The following ZBTB20 variants were observed in gnomAD, a reference collection of about 807,000 sequenced individuals.
The protein encoded by ZBTB20 is zinc finger and BTB domain containing 20.
ZBTB20 carries 9 observed loss-of-function variants against 56.9 expected under a neutral mutation model. The ratio of observed to expected loss-of-function variants is 0.16; its 90% CI spans 0.10 to 0.28. ZBTB20 has a LOEUF of 0.28. Among genes scored for constraint, ZBTB20 ranks in the 10% least tolerant of loss-of-function variants. The probability of loss-of-function intolerance (pLI) is 1.00; values close to 1 mark genes in which losing one functional copy is unlikely to be tolerated. For synonymous variants in ZBTB20, 417 were observed against 420.7 expected, an observed-to-expected ratio of 0.99 and a Z score of 0.11; for missense variants, 655 against 1,003.0, an observed-to-expected ratio of 0.65 and a Z score of 4.69.
intron 2 of ZBTB20, chr3:115,027,481 C>G (rs2080473023): frequency 6.6e-6 from 1 of 150,898 alleles, no homozygotes; most frequent in Non-Finnish European, 1.5e-5. Context: ...TTCCAAATTT[C>G]TCTTCAGGTA....
intron 3 of ZBTB20, among the ~76,000 whole-genome samples, chr3:114,927,111 C>T (rs1194479761): frequency 1.3e-5 from 2 of 152,182 alleles, no homozygotes; most frequent in African/African-American, 4.8e-5. Flanking sequence ...ACCTGCTTCC[C>T]ATTCTATTCA....
intron 6 of ZBTB20, among the ~76,000 whole-genome samples, chr3:114,571,166 G>T (rs1384954883): frequency 6.6e-6 from 1 of 152,174 alleles, no homozygotes; most frequent in African/African-American, 2.4e-5. Flanking sequence ...GGAGAACAAA[G>T]TATTAGAAGC....
chr3:115,135,092 G>A (rs1037989831), intron 1 of ZBTB20, among the ~76,000 whole-genome samples: 1 of 152,176 alleles, frequency 6.6e-6, no homozygotes, highest in African/African-American at 2.4e-5. Context: ...TCGTCCCAAT[G>A]TCTATTGCTT....
At chr3:114,625,008 A>G (rs2107792251) in intron 6 of ZBTB20, 1 of 152,814 alleles carries the variant, frequency 6.5e-6, no homozygotes, top group East Asian at 1.9e-4. Flanking sequence ...AAGCGACTGC[A>G]CAGCTTGGCA....
chr3:115,060,219 T>C (rs1439845614), intron 2 of ZBTB20, among the ~76,000 whole-genome samples: 1 of 152,160 alleles, frequency 6.6e-6, no homozygotes, highest in Non-Finnish European at 1.5e-5. Flanking sequence ...ACCCAACTAG[T>C]TTATAAAGCA....
intron 6 of ZBTB20, among the ~76,000 whole-genome samples, chr3:114,579,821 T>TA (rs2054463954): frequency 6.6e-6 from 1 of 151,346 alleles, no homozygotes. Context: ...GAACTGTATT[T>TA]AAAAAAAATA....
At chr3:114,894,198 T>A (rs1293568284) in intron 4 of ZBTB20, among the ~76,000 whole-genome samples, 1 of 152,220 alleles carries the variant, frequency 6.6e-6, no homozygotes, top group Non-Finnish European at 1.5e-5. Flanking sequence ...AAATTGCTTA[T>A]CCTCTCTGAC....
At chr3:114,540,736 T>C (rs943683648) in intron 6 of ZBTB20, among the ~76,000 whole-genome samples, 2 of 152,162 alleles carry the variant, frequency 1.3e-5, no homozygotes, top group African/African-American at 4.8e-5. Context: ...ATCTTCAATA[T>C]AGTTAGTGCC....
At chr3:115,062,498 A>G (rs1389907678) in intron 2 of ZBTB20, among the ~76,000 whole-genome samples, 6 of 152,094 alleles carry the variant, frequency 3.9e-5, no homozygotes, top group Admixed American at 3.3e-4. Flanking sequence ...TATGTCTAAA[A>G]ATTCTCTCAA....
At chr3:115,032,512 T>C (rs2080728709) in intron 2 of ZBTB20, among the ~76,000 whole-genome samples, 1 of 151,372 alleles carries the variant, frequency 6.6e-6, no homozygotes, top group Non-Finnish European at 1.5e-5. Flanking sequence ...CATTTGTTAC[T>C]TAGTAATACA....
chr3:114,347,613 TTTCCACATG>T (rs2080303979), intron 11 of ZBTB20, among the ~76,000 whole-genome samples: 1 of 152,242 alleles, frequency 6.6e-6, no homozygotes, highest in East Asian at 1.9e-4. Flanking sequence ...TCTTGAATTA[TTTCCACATG>T]TTCCGGCTGT....
chr3:115,106,004 G>T (rs1461833560), intron 1 of ZBTB20, among the ~76,000 whole-genome samples: 1 of 151,832 alleles, frequency 6.6e-6, no homozygotes, highest in Non-Finnish European at 1.5e-5. Context: ...TTTTAGTAGA[G>T]ACAGGATTTC....
At chr3:114,619,511 T>A (rs1577996406) in intron 6 of ZBTB20, among the ~76,000 whole-genome samples, 1 of 152,032 alleles carries the variant, frequency 6.6e-6, no homozygotes, top group East Asian at 1.9e-4. Flanking sequence ...TTTTTTTAAA[T>A]TGTTTATTAG....
chr3:114,943,528 G>A lies in ZBTB20; in HGVS notation c.-456+30838C>T, dbSNP rs2076788908. ...AAAGAGTGAGAATAATCAGAGAACT[G>A]GGATTTATATTAAAAACCCAAAGAT... is the stretch of plus-strand genomic sequence containing the variant. On this transcript the variant is annotated intron_variant, in intron 3 of 11. Transcript: ENST00000675478. Among the ~76,000 whole-genome samples, 3 of 144,894 alleles carry A rather than the reference G, an allele frequency of 2.1e-5. 1 individual carries two copies. The highest frequency in any genetic ancestry group is 8.5e-5 in the African/African-American group (3 of 35,366).
At chr3:114,561,012 A>C (rs2051962703) in intron 6 of ZBTB20, among the ~76,000 whole-genome samples, 1 of 152,244 alleles carries the variant, frequency 6.6e-6, no homozygotes, top group South Asian at 2.1e-4. Context: ...TGTTCACAGA[A>C]TCTTTACCAG....
chr3:114,405,520 A>C (rs2108735540), intron 7 of ZBTB20, among the ~76,000 whole-genome samples: 1 of 152,268 alleles, frequency 6.6e-6, no homozygotes, highest in East Asian at 1.9e-4. Context: ...AAAAGATGGA[A>C]TGAAACTCAG....
chr3:114,328,876 A>T lies in ZBTB20; in HGVS notation c.*10129T>A, dbSNP rs2079144022. 1 of 152,232 alleles carries T rather than the reference A, an allele frequency of 6.6e-6. No individual in the cohort carries two copies. Among genetic ancestry groups the T allele is most frequent in the African/African-American group, 2.4e-5 (1 of 41,460 alleles). 9.4% of individuals were successfully genotyped at this position (152,232 alleles called of 1,614,324 possible). On this transcript the variant is annotated 3_prime_UTR_variant, in exon 12 of 12. Coordinates refer to ENST00000675478, the MANE Select transcript of ZBTB20 (RefSeq NM_001348800.3). ...AGTCTTCAAGAGAAACAAGAAATAA[A>T]GGGAAAGGGTTAGGAAAAGGAAAGA...
intron 1 of ZBTB20, among the ~76,000 whole-genome samples, chr3:115,117,671 T>G (rs772896347): frequency 6.6e-6 from 1 of 151,938 alleles, no homozygotes; most frequent in Non-Finnish European, 1.5e-5. Context: ...AAACCAGAGG[T>G]AGAGAAAAAC....
At chr3:114,452,412 A>G (rs752777146) in intron 7 of ZBTB20, among the ~76,000 whole-genome samples, 7 of 152,192 alleles carry the variant, frequency 4.6e-5, no homozygotes, top group Non-Finnish European at 1.0e-4. Flanking sequence ...GGATTTGCCA[A>G]AAGTTCCCCT....
Sources: gnomAD v4.1 joint callset for allele counts (sites outside exome capture counted in the v4.1 genomes callset) on GRCh38, gnomAD v4.1.1 for gene constraint, MANE v1.5 for transcripts, NCBI Gene and HGNC (gene_info 2026-07-23, HGNC 2026-07-21) for gene names.